Variants in BMP2K observed in about 807,000 individuals in gnomAD.
BMP2K encodes the protein BMP2 inducible kinase.
BMP2K carries 74 observed loss-of-function variants against 116.0 expected under a neutral mutation model. The observed-to-expected ratio is 0.64, with a 90% confidence interval of 0.53 to 0.77. BMP2K has a LOEUF of 0.77. BMP2K is among the 30% of genes least tolerant of loss of function. The pLI is 0.00. For synonymous variants in BMP2K, 486 were observed against 502.5 expected (o/e 0.97, Z 0.44); for missense variants, 1,365 against 1,403.6 (o/e 0.97, Z 0.44).
intron 7 of BMP2K, among the ~76,000 whole-genome samples, chr4:78,852,396 A>G (rs28540090): frequency 0.026 from 4,016 of 152,218 alleles, 88 homozygotes; most frequent in Middle Eastern, 0.082. Context: ...AAAAATAACA[A>G]AAGGTTGAAA....
At chr4:78,803,521 G>C (rs961614648) in intron 1 of BMP2K, among the ~76,000 whole-genome samples, 2 of 152,020 alleles carry the variant, frequency 1.3e-5, no homozygotes, top group African/African-American at 4.8e-5. Flanking sequence ...TGGGATTACA[G>C]ATGTGTACCA....
chr4:78,803,353 T>C (rs904234378), intron 1 of BMP2K, among the ~76,000 whole-genome samples: 1 of 152,144 alleles, frequency 6.6e-6, no homozygotes, highest in African/African-American at 2.4e-5. Context: ...TTTTAAAAAT[T>C]GCTATTAAAA....
At chr4:78,821,938 G>A (rs572799751) in intron 1 of BMP2K, among the ~76,000 whole-genome samples, 1 of 152,256 alleles carries the variant, frequency 6.6e-6, no homozygotes, top group African/African-American at 2.4e-5. Flanking sequence ...AAATGACAAA[G>A]CATGGAAAAA....
intron 15 of BMP2K, among the ~76,000 whole-genome samples, chr4:78,887,852 A>G (rs1236400474): frequency 6.6e-6 from 1 of 152,204 alleles, no homozygotes; most frequent in South Asian, 2.1e-4. Flanking sequence ...TCATGTATGT[A>G]TGGTTATAGT....
At chr4:78,777,818 A>T (rs982429503) in intron 1 of BMP2K, among the ~76,000 whole-genome samples, 10 of 152,236 alleles carry the variant, frequency 6.6e-5, no homozygotes, top group African/African-American at 2.4e-4. Context: ...ACAAGGGAAA[A>T]AACCTGAAGA....
chr4:78,861,502 TA>T (rs747995119), intron 9 of BMP2K, 34 bp downstream of exon 9: 42 of 1,510,136 alleles, frequency 2.8e-5, no homozygotes, highest in Middle Eastern at 1.7e-4. Flanking sequence ...GAAAAGGCAT[TA>T]AAAAAAATGA....
chr4:78,792,946 T>C (rs2109937094), intron 1 of BMP2K, among the ~76,000 whole-genome samples: 1 of 152,328 alleles, frequency 6.6e-6, no homozygotes. Flanking sequence ...CTAAATTATC[T>C]TTATGTACTT....
chr4:78,809,648 G>A (rs950285956), intron 1 of BMP2K, among the ~76,000 whole-genome samples: 4 of 149,780 alleles, frequency 2.7e-5, no homozygotes, highest in Non-Finnish European at 5.9e-5. Flanking sequence ...CCAGGGTGTT[G>A]GAATTATAAA....
intron 5 of BMP2K, among the ~76,000 whole-genome samples, chr4:78,846,585 ATATT>A (rs991714071): frequency 1.3e-5 from 2 of 151,734 alleles, no homozygotes; most frequent in South Asian, 2.1e-4. Flanking sequence ...CTATTGGTAA[ATATT>A]TATTCATAAT....
intron 7 of BMP2K, among the ~76,000 whole-genome samples, chr4:78,852,117 G>A (rs1200820973): frequency 6.6e-6 from 1 of 151,980 alleles, no homozygotes; most frequent in East Asian, 1.9e-4. Context: ...TACAGTAGTA[G>A]GATCTTATTT....
In BMP2K at chr4:78,915,500, T is replaced by G. The variant is rs1415700831; in HGVS notation, c.*3467T>G. The G allele has an allele frequency of 6.6e-6, 1 of 151,928 alleles. No individual in the cohort carries two copies. The highest frequency in any genetic ancestry group is 1.9e-4 in the East Asian group (1 of 5,202). 9.4% of individuals were successfully genotyped at this position (151,928 alleles called of 1,614,324 possible). A position where few individuals can be genotyped will look rare whatever the true frequency, so the allele number is the denominator to read the frequency against. On this transcript the variant is annotated 3_prime_UTR_variant, in exon 16 of 16. Transcript: ENST00000502613. ...TTTCTTTTTAGCAAACTTGTTATTT[T>G]AGGTCCAATTATTGAGTTGACAGTC...
intron 13 of BMP2K, among the ~76,000 whole-genome samples, chr4:78,875,354 T>G (rs1732581659): frequency 6.6e-6 from 1 of 152,102 alleles, no homozygotes; most frequent in Non-Finnish European, 1.5e-5. Context: ...AGTCACTATC[T>G]TTGTTGGAAT....
At chr4:78,776,762 G>T (rs1429721555) in intron 1 of BMP2K, 41 bp downstream of exon 1, 5 of 1,243,010 alleles carry the variant, frequency 4.0e-6, no homozygotes, top group Non-Finnish European at 5.1e-6. Flanking sequence ...AGGTGAGGGA[G>T]GGTTGGGGTG....
At position 78,844,951 on chromosome 4, in the gene BMP2K, T is replaced by C; in HGVS notation, c.570T>C (p.Asp190=). Residue 190 remains aspartate (D), a synonymous_variant, in exon 5 of 16, where the codon GAT becomes GAC. Transcript: ENST00000502613. ...DLKVENILLN[D]GGNYVLCDFG... ...AGGTAGAAAATATTTTGTTGAATGA[T>C]GGTGGGAACTATGTACTTTGTGACT... The C allele has an allele frequency of 6.3e-7, 1 of 1,597,084 alleles. No homozygotes were observed. Among genetic ancestry groups the C allele is most frequent in the Non-Finnish European group, 8.6e-7 (1 of 1,166,694 alleles).
intron 14 of BMP2K, among the ~76,000 whole-genome samples, chr4:78,881,938 A>G (rs1732896894): frequency 6.6e-6 from 1 of 152,004 alleles, no homozygotes. Flanking sequence ...GGTATTAACA[A>G]TTTTCCAAAG....
chr4:78,848,929 A>G (rs1164397588), intron 6 of BMP2K, among the ~76,000 whole-genome samples: 1 of 151,446 alleles, frequency 6.6e-6, no homozygotes, highest in African/African-American at 2.4e-5. Flanking sequence ...CAAGTTTGCT[A>G]CAATACTTTA....
chr4:78,896,282 A>G (rs1459470317), intron 15 of BMP2K, among the ~76,000 whole-genome samples: 1 of 152,216 alleles, frequency 6.6e-6, no homozygotes. Context: ...TGCCTATACT[A>G]TGATAAAATA....
chr4:78,910,125 A>G (rs1411155107), intron 15 of BMP2K, among the ~76,000 whole-genome samples: 2 of 152,228 alleles, frequency 1.3e-5, no homozygotes, highest in Non-Finnish European at 2.9e-5. Context: ...TATAAAAAAT[A>G]CAATGCTGAT....
intron 13 of BMP2K, among the ~76,000 whole-genome samples, chr4:78,877,257 C>G (rs1321560955): frequency 6.6e-6 from 1 of 151,944 alleles, no homozygotes; most frequent in Admixed American, 6.6e-5. Flanking sequence ...ATAAATTAAC[C>G]TTAGTTTACT....
Sources: gnomAD v4.1 joint callset for allele counts (sites outside exome capture counted in the v4.1 genomes callset) on GRCh38, gnomAD v4.1.1 for gene constraint, MANE v1.5 for transcripts, NCBI Gene and HGNC (gene_info 2026-07-23, HGNC 2026-07-21) for gene names.